CDKAL1: variants seen among roughly 807,000 people sequenced by gnomAD.
The protein encoded by CDKAL1 is CDKAL1 threonylcarbamoyladenosine tRNA methylthiotransferase.
Under a neutral mutation model 68.2 loss-of-function variants are expected in CDKAL1, and 32 were observed. The ratio of observed to expected loss-of-function variants is 0.47; its 90% confidence interval spans 0.35 to 0.63. The LOEUF is 0.63. Ranked by LOEUF, CDKAL1 falls within the 30% of genes least tolerant of loss-of-function variation. The probability of loss-of-function intolerance (pLI) is 0.00; values close to 1 mark genes in which losing one functional copy is unlikely to be tolerated. For synonymous variants in CDKAL1, 234 were observed against 244.3 expected, an observed-to-expected ratio of 0.96 and a Z score of 0.39; for missense variants, 606 against 696.7, an observed-to-expected ratio of 0.87 and a Z score of 1.47.
At chr6:21,196,057 A>G (rs1427917661) in intron 13 of CDKAL1, among the ~76,000 whole-genome samples, 2 of 152,178 alleles carry the variant, frequency 1.3e-5, no homozygotes, top group Non-Finnish European at 2.9e-5. Flanking sequence ...CTCTGTATAT[A>G]TTACTGTCAT....
intron 11 of CDKAL1, among the ~76,000 whole-genome samples, chr6:21,019,104 A>G (rs1466499988): frequency 6.6e-6 from 1 of 152,122 alleles, no homozygotes; most frequent in Non-Finnish European, 1.5e-5. Flanking sequence ...ACCCGCCACC[A>G]TGCCTGGCTA....
intron 15 of CDKAL1, among the ~76,000 whole-genome samples, chr6:21,203,215 ATTTTTTTTTTTTTTTTTTTTT>A (rs371165972): frequency 1.5e-4 from 7 of 47,090 alleles, no homozygotes; most frequent in African/African-American, 3.5e-4. Flanking sequence ...ATCCTGGCTA[ATTTTTTTTTTTTTTTTTTTTT>A]TTTTTTTTTT....
chr6:20,555,651 C>T (rs1378699322), intron 4 of CDKAL1, among the ~76,000 whole-genome samples: 2 of 111,580 alleles, frequency 1.8e-5, no homozygotes, highest in Non-Finnish European at 3.5e-5. Context: ...GAGACGGAGT[C>T]CTGCTCTTTT....
intron 13 of CDKAL1, among the ~76,000 whole-genome samples, chr6:21,141,514 GAC>G (rs1055646531): frequency 9.0e-4 from 137 of 152,334 alleles, no homozygotes; most frequent in African/African-American, 3.2e-3. Flanking sequence ...CTCAGTGCCT[GAC>G]ACATAGTGGG....
At chr6:21,009,861 AAG>A (rs768757274) in intron 11 of CDKAL1, among the ~76,000 whole-genome samples, 26 of 152,190 alleles carry the variant, frequency 1.7e-4, no homozygotes, top group Non-Finnish European at 3.1e-4. Flanking sequence ...GGTGGTGATG[AAG>A]AGAGATTGGT....
At chr6:20,801,275 T>C (rs1167343121) in intron 8 of CDKAL1, among the ~76,000 whole-genome samples, 1 of 152,188 alleles carries the variant, frequency 6.6e-6, no homozygotes, top group Non-Finnish European at 1.5e-5. Flanking sequence ...TATCCTCATC[T>C]ACCACCTTAG....
intron 11 of CDKAL1, among the ~76,000 whole-genome samples, chr6:21,016,129 C>T (rs1561964025): frequency 6.8e-6 from 1 of 146,558 alleles, no homozygotes; most frequent in African/African-American, 2.5e-5. Flanking sequence ...ATGTATGAGT[C>T]ATATATATGT....
intron 9 of CDKAL1, among the ~76,000 whole-genome samples, chr6:20,850,686 C>T (rs1758959098): frequency 6.6e-6 from 1 of 152,098 alleles, no homozygotes; most frequent in Admixed American, 6.5e-5. Context: ...GATCTGCCCA[C>T]CTTTGCCTCC....
At chr6:20,713,637 A>G (rs1771949626) in intron 5 of CDKAL1, among the ~76,000 whole-genome samples, 1 of 152,198 alleles carries the variant, frequency 6.6e-6, no homozygotes, top group Non-Finnish European at 1.5e-5. Context: ...ACTAGAATTC[A>G]TACACTGTAC....
At chr6:20,713,274 A>G (rs1440912057) in intron 5 of CDKAL1, among the ~76,000 whole-genome samples, 2 of 152,212 alleles carry the variant, frequency 1.3e-5, no homozygotes, top group Non-Finnish European at 2.9e-5. Context: ...AGCTTACACT[A>G]ACAAGGGTTT....
chr6:20,589,337 A>G (rs1765499159), intron 4 of CDKAL1, among the ~76,000 whole-genome samples: 1 of 152,166 alleles, frequency 6.6e-6, no homozygotes, highest in Admixed American at 6.5e-5. Flanking sequence ...CTTCCTTTTT[A>G]TTTTGTATTT....
intron 4 of CDKAL1, among the ~76,000 whole-genome samples, chr6:20,579,965 C>A (rs6927481): frequency 0.36 from 54,643 of 151,980 alleles, 10,034 homozygotes; most frequent in Middle Eastern, 0.45. Context: ...CAGTAGAGCA[C>A]GTACCTTAAG....
intron 9 of CDKAL1, among the ~76,000 whole-genome samples, chr6:20,884,155 T>G (rs1760955540): frequency 6.6e-6 from 1 of 152,102 alleles, no homozygotes; most frequent in Non-Finnish European, 1.5e-5. Context: ...CAAAGATGCT[T>G]CCACATAACA....
In CDKAL1 at chr6:20,955,123, T is replaced by G. The variant is rs909576653; in HGVS notation, c.743-296T>G. Among the ~76,000 whole-genome samples the G allele has an allele frequency of 2.6e-5, 4 of 152,272 alleles. No homozygotes were observed. The South Asian group carries it at 8.3e-4, about 32-fold the overall frequency. On this transcript the variant is annotated intron_variant, in intron 9 of 15. Coordinates refer to ENST00000274695, the MANE Select transcript of CDKAL1 (RefSeq NM_017774.3). ...GTATTCTCTGAGGTGGGACTGAGGC[T>G]TTAGTCTTGATCAAAGTGCTTTGGG...
At chr6:20,862,991 A>G (rs1759724908) in intron 9 of CDKAL1, among the ~76,000 whole-genome samples, 1 of 152,154 alleles carries the variant, frequency 6.6e-6, no homozygotes. Context: ...GTGCCATTGC[A>G]CTCCAGCCTG....
intron 11 of CDKAL1, among the ~76,000 whole-genome samples, chr6:21,031,297 C>T (rs1340886909): frequency 6.6e-6 from 1 of 151,372 alleles, no homozygotes; most frequent in Non-Finnish European, 1.5e-5. Flanking sequence ...TCTTCGAAGC[C>T]CACCAGAGCA....
intron 5 of CDKAL1, among the ~76,000 whole-genome samples, chr6:20,710,898 G>A (rs151284780): frequency 3.0e-4 from 45 of 152,204 alleles, no homozygotes; most frequent in Non-Finnish European, 5.4e-4. Flanking sequence ...CAAATTTCTG[G>A]TTCTGGTCCT....
intron 12 of CDKAL1, among the ~76,000 whole-genome samples, chr6:21,078,722 TGAG>T (rs1279141778): frequency 6.6e-6 from 1 of 152,012 alleles, no homozygotes; most frequent in Non-Finnish European, 1.5e-5. Context: ...GGGTGCAGGG[TGAG>T]GAGGAGAGCT....
intron 5 of CDKAL1, among the ~76,000 whole-genome samples, chr6:20,703,948 A>C (rs1771486065): frequency 6.6e-6 from 1 of 152,216 alleles, no homozygotes; most frequent in African/African-American, 2.4e-5. Flanking sequence ...TTTTTATTTA[A>C]TGATCAAATT....
Sources: gnomAD v4.1 joint callset for allele counts (sites outside exome capture counted in the v4.1 genomes callset) on GRCh38, gnomAD v4.1.1 for gene constraint, MANE v1.5 for transcripts, NCBI Gene and HGNC (gene_info 2026-07-23, HGNC 2026-07-21) for gene names.